MAGI1: variants seen among roughly 807,000 people sequenced by gnomAD.
MAGI1 encodes the protein membrane-associated guanylate kinase, WW and PDZ domain-containing protein 1.
Under a neutral mutation model 139.9 loss-of-function variants are expected in MAGI1, and 58 were observed. That is an observed-to-expected ratio of 0.41 (90% CI 0.34 to 0.52). The LOEUF (loss-of-function observed/expected upper bound fraction) is 0.52, where lower values mean the gene tolerates loss of function less well. MAGI1 is among the 20% of genes least tolerant of loss of function. The probability of loss-of-function intolerance (pLI) is 0.12; values close to 1 mark genes in which losing one functional copy is unlikely to be tolerated. For missense variants in MAGI1, 1,874 were observed against 1,901.6 expected (o/e 0.99, Z 0.27); for synonymous variants, 812 against 737.9 (o/e 1.10, Z -1.63).
At chr3:65,864,464 A>G (rs1488585478) in intron 1 of MAGI1, among the ~76,000 whole-genome samples, 23 of 152,218 alleles carry the variant, frequency 1.5e-4, no homozygotes, top group Non-Finnish European at 3.2e-4. Flanking sequence ...AACTACAAAA[A>G]TGGCAGCTGT....
intron 1 of MAGI1, among the ~76,000 whole-genome samples, chr3:65,977,781 T>C (rs1303755636): frequency 1.3e-5 from 2 of 151,750 alleles, no homozygotes; most frequent in African/African-American, 4.8e-5. Context: ...CAGGCCTCCA[T>C]CTCCTGTTTG....
At chr3:65,829,782 A>G (rs949255746) in intron 1 of MAGI1, among the ~76,000 whole-genome samples, 3 of 152,216 alleles carry the variant, frequency 2.0e-5, no homozygotes, top group African/African-American at 7.2e-5. Flanking sequence ...AAGATATTAA[A>G]TCATTCCAGA....
chr3:65,356,431 G>A lies in MAGI1; in HGVS notation c.4336C>T (p.Pro1446Ser), dbSNP rs1008353487. 1.9e-6 allele frequency: 3 copies of A among 1,610,032 alleles called. No homozygotes were observed. The highest frequency in any genetic ancestry group is 2.2e-5 in the South Asian group (2 of 90,960). ...TTGTAAGGTCGCCTTCTCTGCTCCG[G>A]GGGATGTCTGGAACTTCTGCCGGCA... is the stretch of plus-strand genomic sequence containing the variant. ...QDAGRSSRHPPEQRRRPYKEC... is the reference protein window; with the variant it reads ...QDAGRSSRHPSEQRRRPYKEC... The change falls in exon 23 of 23, where the codon CCG (proline) becomes TCG (serine). Residue 1446 changes from proline to serine, a missense_variant. Around this residue, in one of 5 missense-constraint regions of MAGI1, gnomAD observed 653 missense variants for 644.5 expected, o/e 1.01. Transcript: ENST00000402939.
At chr3:66,008,753 C>T (rs2067164699) in intron 1 of MAGI1, 1 of 152,188 alleles carries the variant, frequency 6.6e-6, no homozygotes, top group Admixed American at 6.5e-5. Context: ...TGTGCAAAGA[C>T]CCCATGGCAT....
At chr3:65,454,526 TATAATAATA>T (rs35819390) in intron 5 of MAGI1, among the ~76,000 whole-genome samples, 5 of 83,118 alleles carry the variant, frequency 6.0e-5, no homozygotes, top group East Asian at 2.2e-4. Flanking sequence ...AAACTGAAAG[TATAATAATA>T]ATAATAATAA....
At chr3:65,815,693 A>G (rs2041556326) in intron 1 of MAGI1, among the ~76,000 whole-genome samples, 1 of 152,170 alleles carries the variant, frequency 6.6e-6, no homozygotes, top group Admixed American at 6.5e-5. Flanking sequence ...TTGAAATATT[A>G]AAATTATATC....
At chr3:65,926,354 T>TCC in intron 1 of MAGI1, among the ~76,000 whole-genome samples, 1 of 151,186 alleles carries the variant, frequency 6.6e-6, no homozygotes, top group East Asian at 2.0e-4. Flanking sequence ...TCTCTCTCTC[T>TCC]CTCTCTCTCT....
intron 1 of MAGI1, among the ~76,000 whole-genome samples, chr3:65,855,773 C>CATAG (rs1277084444): frequency 2.6e-5 from 4 of 151,520 alleles, no homozygotes; most frequent in Non-Finnish European, 5.9e-5. Context: ...CATTAACCCC[C>CATAG]ATAGATACAT....
At chr3:65,592,731 G>C (rs928732913) in intron 2 of MAGI1, among the ~76,000 whole-genome samples, 12 of 152,182 alleles carry the variant, frequency 7.9e-5, no homozygotes, top group Non-Finnish European at 1.8e-4. Context: ...ATGAGGGCTA[G>C]TGTGTAATTT....
At chr3:65,855,018 T>G (rs1174292968) in intron 1 of MAGI1, among the ~76,000 whole-genome samples, 2 of 152,220 alleles carry the variant, frequency 1.3e-5, no homozygotes, top group Non-Finnish European at 2.9e-5. Context: ...AGGGGATGGA[T>G]GGTGCTGGCT....
chr3:66,016,670 A>T (rs1367272777), intron 1 of MAGI1, among the ~76,000 whole-genome samples: 1 of 152,246 alleles, frequency 6.6e-6, no homozygotes, highest in East Asian at 1.9e-4. Context: ...AGGTCAGGAC[A>T]TCAAGAAAAT....
intron 2 of MAGI1, among the ~76,000 whole-genome samples, chr3:65,517,222 A>T (rs1275923250): frequency 6.6e-6 from 1 of 152,042 alleles, no homozygotes; most frequent in African/African-American, 2.4e-5. Context: ...CCTCCCTACA[A>T]CACTCTTGTC....
intron 7 of MAGI1, among the ~76,000 whole-genome samples, chr3:65,445,407 TG>T (rs1948616320): frequency 6.6e-6 from 1 of 152,236 alleles, no homozygotes. Flanking sequence ...GTCTGTGGCC[TG>T]TGTACTTGCT....
At chr3:65,453,452 G>C in intron 5 of MAGI1, 112 bp from the exon 6 acceptor site, 1 of 765,060 alleles carries the variant, frequency 1.3e-6, no homozygotes, top group Non-Finnish European at 2.1e-6. Context: ...CTACAACAAA[G>C]ATGCTTTCCA....
intron 2 of MAGI1, among the ~76,000 whole-genome samples, chr3:65,575,052 T>A (rs2081121897): frequency 6.6e-6 from 1 of 152,032 alleles, no homozygotes; most frequent in African/African-American, 2.4e-5. Flanking sequence ...AGGAAACAAT[T>A]GGTAATTTGT....
At chr3:65,535,372 G>C (rs1173441986) in intron 2 of MAGI1, among the ~76,000 whole-genome samples, 3 of 152,168 alleles carry the variant, frequency 2.0e-5, no homozygotes, top group African/African-American at 7.2e-5. Context: ...GAGATGCCTT[G>C]TCTCTTGCAG....
intron 1 of MAGI1, among the ~76,000 whole-genome samples, chr3:65,790,996 G>T (rs961925467): frequency 6.6e-6 from 1 of 152,038 alleles, no homozygotes; most frequent in Non-Finnish European, 1.5e-5. Flanking sequence ...AATCACTTGA[G>T]CCCAGGAAGC....
At chr3:65,444,595 C>T (rs1191781605) in intron 7 of MAGI1, among the ~76,000 whole-genome samples, 1 of 152,084 alleles carries the variant, frequency 6.6e-6, no homozygotes, top group Non-Finnish European at 1.5e-5. Context: ...TGAATGCCTA[C>T]TTTTTGCCCG....
At chr3:66,016,367 T>C (rs1460459507) in intron 1 of MAGI1, among the ~76,000 whole-genome samples, 1 of 152,184 alleles carries the variant, frequency 6.6e-6, no homozygotes, top group Non-Finnish European at 1.5e-5. Flanking sequence ...AGGACCAGAT[T>C]TGAACCCGGA....
Sources: allele counts gnomAD v4.1 joint callset (sites outside exome capture counted in the v4.1 genomes callset), GRCh38; gene constraint gnomAD v4.1.1; regional missense constraint gnomAD v4.1.1; transcripts MANE v1.5; gene names NCBI Gene and HGNC (gene_info 2026-07-23, HGNC 2026-07-21).